The following MDGA2 variants were observed in gnomAD, a reference collection of about 807,000 sequenced individuals.
The protein encoded by MDGA2 is MAM domain-containing glycosylphosphatidylinositol anchor protein 2.
In MDGA2, 40 loss-of-function variants were observed where a neutral mutation model predicts 117.8. The observed-to-expected ratio is 0.34, with a 90% CI of 0.26 to 0.44. The LOEUF (loss-of-function observed/expected upper bound fraction) is 0.44. MDGA2 is among the 20% of genes least tolerant of loss of function. MDGA2 has a pLI of 1.00. For missense variants in MDGA2, 1,123 were observed against 1,250.6 expected (o/e 0.90, Z 1.54); for synonymous variants, 452 against 439.0 (o/e 1.03, Z -0.37).
At chr14:47,555,260 A>C (rs555953909) in intron 1 of MDGA2, among the ~76,000 whole-genome samples, 46 of 152,296 alleles carry the variant, frequency 3.0e-4, no homozygotes, top group African/African-American at 1.1e-3. Context: ...TTTGATTTTC[A>C]TTGCTTTATA....
At chr14:47,594,613 G>A (rs554180572) in intron 1 of MDGA2, among the ~76,000 whole-genome samples, 3 of 152,306 alleles carry the variant, frequency 2.0e-5, no homozygotes, top group African/African-American at 7.2e-5. Flanking sequence ...CCTAAGTGTT[G>A]CTGGTATTCT....
intron 7 of MDGA2, among the ~76,000 whole-genome samples, chr14:47,041,965 A>AT (rs1257820546): frequency 6.6e-6 from 1 of 152,092 alleles, no homozygotes; most frequent in Non-Finnish European, 1.5e-5. Flanking sequence ...TTCTTTCAAT[A>AT]TAAGAATCAT....
chr14:47,019,879 A>G (rs540168867), intron 8 of MDGA2, among the ~76,000 whole-genome samples: 28 of 152,236 alleles, frequency 1.8e-4, no homozygotes, highest in African/African-American at 2.4e-4. Context: ...TAAAGGAGAT[A>G]AAACACTTTA....
At chr14:47,359,757 A>G (rs1488933775) in intron 1 of MDGA2, among the ~76,000 whole-genome samples, 1 of 151,246 alleles carries the variant, frequency 6.6e-6, no homozygotes, top group Non-Finnish European at 1.5e-5. Flanking sequence ...TCAAAAAAAA[A>G]AAAAAAAAAG....
At chr14:47,129,000 TTTC>T (rs1414434362) in intron 5 of MDGA2, among the ~76,000 whole-genome samples, 1 of 152,092 alleles carries the variant, frequency 6.6e-6, no homozygotes, top group African/African-American at 2.4e-5. Context: ...CCATCAACTA[TTTC>T]TTATGATTAT....
At chr14:47,273,483 T>A (rs1031413446) in intron 2 of MDGA2, among the ~76,000 whole-genome samples, 3 of 152,146 alleles carry the variant, frequency 2.0e-5, no homozygotes, top group African/African-American at 7.2e-5. Context: ...ATTTTTTGAA[T>A]TATAAGATCC....
At chr14:47,202,574 T>A (rs1885547582) in intron 3 of MDGA2, among the ~76,000 whole-genome samples, 1 of 152,228 alleles carries the variant, frequency 6.6e-6, no homozygotes, top group African/African-American at 2.4e-5. Flanking sequence ...TCCTGAGCTC[T>A]GACTTTGTGT....
intron 1 of MDGA2, among the ~76,000 whole-genome samples, chr14:47,422,700 T>C (rs1410010956): frequency 6.6e-6 from 1 of 152,160 alleles, no homozygotes; most frequent in Non-Finnish European, 1.5e-5. Context: ...CTGGTGACAG[T>C]GCAAAAATAA....
intron 10 of MDGA2, among the ~76,000 whole-genome samples, chr14:46,908,586 T>C (rs906932294): frequency 1.9e-4 from 29 of 152,152 alleles, no homozygotes; most frequent in African/African-American, 7.0e-4. Context: ...ATCTGTCTTA[T>C]AAACTGTCCA....
At chr14:47,156,225 T>C (rs566462792) in intron 3 of MDGA2, among the ~76,000 whole-genome samples, 13 of 152,236 alleles carry the variant, frequency 8.5e-5, no homozygotes, top group African/African-American at 3.1e-4. Context: ...ATTTTATCAG[T>C]TGTGTGTCCC....
At chr14:47,325,673 G>C (rs2139892309) in intron 1 of MDGA2, among the ~76,000 whole-genome samples, 1 of 152,278 alleles carries the variant, frequency 6.6e-6, no homozygotes, top group East Asian at 1.9e-4. Flanking sequence ...TACTAGGCAT[G>C]TGCAGGAGAG....
chr14:46,885,137 G>A (rs547265140), intron 10 of MDGA2, among the ~76,000 whole-genome samples: 13 of 152,146 alleles, frequency 8.5e-5, no homozygotes, highest in South Asian at 4.2e-4. Context: ...GTAAGTCACC[G>A]TGCCTGGCCA....
chr14:47,551,832 C>T (rs1895587808), intron 1 of MDGA2, among the ~76,000 whole-genome samples: 2 of 151,976 alleles, frequency 1.3e-5, no homozygotes, highest in Admixed American at 1.3e-4. Flanking sequence ...AATCAATTCC[C>T]ATTTGTCCTT....
At chr14:47,642,880 G>A (rs150962221) in intron 1 of MDGA2, among the ~76,000 whole-genome samples, 2 of 152,148 alleles carry the variant, frequency 1.3e-5, no homozygotes, top group Admixed American at 1.3e-4. Context: ...TAATGAGCTG[G>A]AGATAGATTG....
intron 1 of MDGA2, among the ~76,000 whole-genome samples, chr14:47,519,605 T>A (rs2138710107): frequency 6.6e-6 from 1 of 152,294 alleles, no homozygotes; most frequent in East Asian, 1.9e-4. Flanking sequence ...TCTCCCAAGT[T>A]TTTATTTGAT....
intron 14 of MDGA2, among the ~76,000 whole-genome samples, chr14:46,872,429 T>C (rs1882043866): frequency 6.6e-6 from 1 of 151,910 alleles, no homozygotes. Context: ...TTGTTTGTAT[T>C]GATGCAGTGA....
At chr14:47,580,299 T>C (rs1344962271) in intron 1 of MDGA2, among the ~76,000 whole-genome samples, 1 of 152,072 alleles carries the variant, frequency 6.6e-6, no homozygotes, top group Non-Finnish European at 1.5e-5. Flanking sequence ...TTGCCTTCTA[T>C]GTCCTCATGT....
At chr14:46,964,203 C>T (rs1885923335) in intron 8 of MDGA2, among the ~76,000 whole-genome samples, 1 of 152,232 alleles carries the variant, frequency 6.6e-6, no homozygotes, top group African/African-American at 2.4e-5. Context: ...TTAGCTTAGA[C>T]TTCCACTTGT....
chr14:47,158,603 C>T (rs1883506337), intron 3 of MDGA2, among the ~76,000 whole-genome samples: 3 of 151,934 alleles, frequency 2.0e-5, no homozygotes, highest in South Asian at 4.2e-4. Context: ...CTCAACCTCC[C>T]GAACAGCTGC....
Sources: gnomAD v4.1 joint callset for allele counts (sites outside exome capture counted in the v4.1 genomes callset) on GRCh38, gnomAD v4.1.1 for gene constraint, MANE v1.5 for transcripts, NCBI Gene and HGNC (gene_info 2026-07-23, HGNC 2026-07-21) for gene names.